The following SCAI variants were observed in gnomAD, a reference collection of about 807,000 sequenced individuals.
The protein encoded by SCAI is suppressor of cancer cell invasion.
In SCAI, 24 loss-of-function variants were observed where a neutral mutation model predicts 92.2. The ratio of observed to expected loss-of-function variants is 0.26; its 90% confidence interval spans 0.19 to 0.37. The LOEUF is 0.37. Ranked by LOEUF, SCAI falls within the 10% of genes least tolerant of loss-of-function variation. SCAI has a pLI of 1.00. For missense variants in SCAI, 450 were observed against 736.2 expected (o/e 0.61, Z 4.50); for synonymous variants, 261 against 258.6 (o/e 1.01, Z -0.09).
intron 2 of SCAI, among the ~76,000 whole-genome samples, chr9:125,062,252 A>G (rs1262690648): frequency 6.6e-6 from 1 of 151,280 alleles, no homozygotes. Flanking sequence ...CAACCTCTTG[A>G]GTAGCTGGGT....
At chr9:125,017,153 T>C (rs1235241083) in intron 9 of SCAI, among the ~76,000 whole-genome samples, 2 of 152,194 alleles carry the variant, frequency 1.3e-5, no homozygotes, top group Non-Finnish European at 2.9e-5. Context: ...GGAGCTGTAC[T>C]AGATAATGCC....
At chr9:125,039,570 C>T (rs1443143310) in intron 3 of SCAI, among the ~76,000 whole-genome samples, 2 of 152,022 alleles carry the variant, frequency 1.3e-5, no homozygotes, top group Admixed American at 1.3e-4. Context: ...ACCATGTAGT[C>T]GCTAATCATT....
intron 3 of SCAI, among the ~76,000 whole-genome samples, chr9:125,054,481 A>G (rs1833624610): frequency 6.6e-6 from 1 of 152,030 alleles, no homozygotes; most frequent in South Asian, 2.1e-4. Context: ...AATACAGAAT[A>G]TGGTACATAC....
Position 125,001,660 on chromosome 9 carries a change from G to T in SCAI, c.1144+305C>A, listed in dbSNP as rs116945068. 5.6e-3 allele frequency among the ~76,000 whole-genome samples: 848 copies of T among 152,196 alleles called. 25 individuals are homozygous for T. In the East Asian group the frequency reaches 0.083, roughly 15 times the overall value. ...TTATTCCATCATCCTTTTCAACTTT[G>T]AAACACCAAACTCCTTATGTATATC... On this transcript the variant is annotated intron_variant, in intron 12 of 17. Transcript: ENST00000336505.
intron 3 of SCAI, among the ~76,000 whole-genome samples, chr9:125,050,578 T>C (rs1021393208): frequency 3.3e-5 from 5 of 152,192 alleles, no homozygotes; most frequent in African/African-American, 1.2e-4. Flanking sequence ...TTTTTCTCTT[T>C]TCTTTTTATA....
chr9:125,060,674 T>C (rs1029707373), intron 2 of SCAI, among the ~76,000 whole-genome samples: 2 of 152,100 alleles, frequency 1.3e-5, no homozygotes, highest in Non-Finnish European at 2.9e-5. Context: ...TTATCAGGGG[T>C]GTCCGCTTTT....
chr9:125,122,588 CAAAAA>C (rs34757267), intron 2 of SCAI, among the ~76,000 whole-genome samples: 2 of 59,956 alleles, frequency 3.3e-5, no homozygotes, highest in Admixed American at 2.1e-4. Context: ...GACTCCATCT[CAAAAA>C]AAAAAAAAAA....
intron 6 of SCAI, among the ~76,000 whole-genome samples, chr9:125,023,782 C>CAGA (rs1292966075): frequency 6.6e-6 from 1 of 152,076 alleles, no homozygotes; most frequent in African/African-American, 2.4e-5. Flanking sequence ...AATAAGCATA[C>CAGA]AGAAGTGGGT....
intron 2 of SCAI, among the ~76,000 whole-genome samples, chr9:125,140,861 A>T (rs1306871508): frequency 1.3e-5 from 2 of 151,178 alleles, no homozygotes; most frequent in Non-Finnish European, 1.5e-5. Context: ...CCTGTCTCAA[A>T]AAAAAAAAAA....
chr9:125,133,089 T>C (rs543942172), intron 2 of SCAI, among the ~76,000 whole-genome samples: 14 of 151,934 alleles, frequency 9.2e-5, no homozygotes, highest in African/African-American at 3.1e-4. Flanking sequence ...GCAAAACACA[T>C]ACCTAATAAT....
intron 3 of SCAI, among the ~76,000 whole-genome samples, chr9:125,053,951 C>G (rs1024670829): frequency 2.0e-5 from 3 of 152,066 alleles, no homozygotes; most frequent in Non-Finnish European, 2.9e-5. Context: ...GCCTTCCTAC[C>G]TTTAAATCTA....
At chr9:124,955,463 A>G (rs1689090588) in intron 17 of SCAI, among the ~76,000 whole-genome samples, 1 of 151,910 alleles carries the variant, frequency 6.6e-6, no homozygotes, top group Non-Finnish European at 1.5e-5. Flanking sequence ...CTACCAAAAA[A>G]TACAAAAATT....
At chr9:125,083,907 G>A (rs139218658) in intron 2 of SCAI, among the ~76,000 whole-genome samples, 32 of 152,124 alleles carry the variant, frequency 2.1e-4, no homozygotes, top group Admixed American at 3.9e-4. Flanking sequence ...GGAGAATGAC[G>A]GAGGGTGATA....
intron 9 of SCAI, among the ~76,000 whole-genome samples, chr9:125,013,344 G>A (rs1228700938): frequency 1.3e-5 from 2 of 151,726 alleles, no homozygotes; most frequent in African/African-American, 4.8e-5. Context: ...ATGATAAAGG[G>A]GATATCACCA....
At chr9:124,971,925 C>G in intron 15 of SCAI, 81 bp from the exon 16 acceptor site, 1 of 652,302 alleles carries the variant, frequency 1.5e-6, no homozygotes. Flanking sequence ...TTTTAATATA[C>G]TGATAATATA....
intron 3 of SCAI, among the ~76,000 whole-genome samples, chr9:125,035,589 GATA>G (rs1438169424): frequency 6.6e-6 from 1 of 152,056 alleles, no homozygotes; most frequent in African/African-American, 2.4e-5. Flanking sequence ...ATAAAATGGA[GATA>G]ATAATAATAG....
intron 9 of SCAI, among the ~76,000 whole-genome samples, chr9:125,009,417 A>G (rs1177139304): frequency 6.6e-6 from 1 of 152,074 alleles, no homozygotes; most frequent in Non-Finnish European, 1.5e-5. Flanking sequence ...TTATAGGCAC[A>G]TGCCATCATG....
chr9:124,985,744 G>A (rs904229167), intron 14 of SCAI, among the ~76,000 whole-genome samples: 1 of 151,960 alleles, frequency 6.6e-6, no homozygotes, highest in Non-Finnish European at 1.5e-5. Context: ...GCACATGCCT[G>A]TAATCCTAGC....
At chr9:125,117,665 CAAAAAAAA>C (rs372964615) in intron 2 of SCAI, among the ~76,000 whole-genome samples, 1 of 45,252 alleles carries the variant, frequency 2.2e-5, no homozygotes, top group African/African-American at 1.0e-4. Context: ...GACTCCATCT[CAAAAAAAA>C]AAAAAAAAAA....
Sources: allele counts gnomAD v4.1 joint callset (sites outside exome capture counted in the v4.1 genomes callset), GRCh38; gene constraint gnomAD v4.1.1; transcripts MANE v1.5; gene names NCBI Gene and HGNC (gene_info 2026-07-23, HGNC 2026-07-21).